XKR6: variants seen among roughly 807,000 people sequenced by gnomAD.
XKR6 encodes the protein XK-related protein 6.
XKR6 carries 22 observed loss-of-function variants against 56.7 expected under a neutral mutation model. That is an observed-to-expected ratio of 0.39 (90% CI 0.28 to 0.55). The LOEUF (loss-of-function observed/expected upper bound fraction) is 0.55. Ranked by LOEUF, XKR6 falls within the 20% of genes least tolerant of loss-of-function variation. The pLI, the probability that XKR6 is intolerant of heterozygous loss-of-function variation, is 0.66. For synonymous variants in XKR6, 524 were observed against 387.8 expected (o/e 1.35, Z -4.13); for missense variants, 852 against 889.0 (o/e 0.96, Z 0.53).
intron 1 of XKR6, among the ~76,000 whole-genome samples, chr8:11,049,338 G>A (rs965182915): frequency 1.3e-5 from 2 of 152,178 alleles, no homozygotes; most frequent in Non-Finnish European, 2.9e-5. Flanking sequence ...GACATGACCC[G>A]GCAGGAGGGT....
At chr8:11,103,379 C>G (rs183430430) in intron 1 of XKR6, among the ~76,000 whole-genome samples, 2 of 152,186 alleles carry the variant, frequency 1.3e-5, no homozygotes, top group African/African-American at 2.4e-5. Context: ...CAGAGACCAG[C>G]TGAATCAGGC....
chr8:11,131,380 G>C (rs1800095545), intron 1 of XKR6, among the ~76,000 whole-genome samples: 1 of 152,108 alleles, frequency 6.6e-6, no homozygotes, highest in Non-Finnish European at 1.5e-5. Context: ...ACAAGAAAGA[G>C]TAATTAACAT....
intron 1 of XKR6, among the ~76,000 whole-genome samples, chr8:11,159,473 G>T (rs1332502250): frequency 6.6e-6 from 1 of 152,200 alleles, no homozygotes; most frequent in Non-Finnish European, 1.5e-5. Context: ...CTCACTTTCT[G>T]CTAACAGACG....
At chr8:10,977,816 G>C (rs1802612128) in intron 1 of XKR6, among the ~76,000 whole-genome samples, 1 of 151,558 alleles carries the variant, frequency 6.6e-6, no homozygotes, top group Non-Finnish European at 1.5e-5. Context: ...TGTGTGGAAG[G>C]ATCCAGTGAG....
At chr8:10,925,284 C>G (rs1163893692) in intron 1 of XKR6, among the ~76,000 whole-genome samples, 2 of 152,194 alleles carry the variant, frequency 1.3e-5, no homozygotes, top group Non-Finnish European at 2.9e-5. Context: ...ATTTCTGAAG[C>G]TCCTACTACG....
intron 1 of XKR6, among the ~76,000 whole-genome samples, chr8:11,055,882 C>T (rs892265393): frequency 6.6e-6 from 1 of 152,156 alleles, no homozygotes; most frequent in Non-Finnish European, 1.5e-5. Context: ...ACAACCTCCT[C>T]GTAAAACCTG....
At chr8:11,115,847 T>A (rs146315861) in intron 1 of XKR6, among the ~76,000 whole-genome samples, 1 of 152,222 alleles carries the variant, frequency 6.6e-6, no homozygotes, top group Non-Finnish European at 1.5e-5. Flanking sequence ...AATAAATACA[T>A]TTCTGAGTTG....
intron 1 of XKR6, among the ~76,000 whole-genome samples, chr8:11,163,575 A>T (rs909110097): frequency 1.3e-5 from 2 of 152,248 alleles, no homozygotes; most frequent in African/African-American, 2.4e-5. Flanking sequence ...AAGGGCAAAC[A>T]TTTAGAAAAC....
At chr8:11,050,712 G>T (rs1799525371) in intron 1 of XKR6, among the ~76,000 whole-genome samples, 1 of 152,068 alleles carries the variant, frequency 6.6e-6, no homozygotes, top group Non-Finnish European at 1.5e-5. Context: ...GGTAGAGAAG[G>T]GCTTCCGTTT....
At chr8:11,195,137 G>GAGA in intron 1 of XKR6, 1 of 703,234 alleles carries the variant, frequency 1.4e-6, no homozygotes, top group South Asian at 1.5e-5. Flanking sequence ...TGGGAGGAGG[G>GAGA]AGAAGGGAAG....
At chr8:11,188,707 AC>A (rs1803399422) in intron 1 of XKR6, among the ~76,000 whole-genome samples, 1 of 152,128 alleles carries the variant, frequency 6.6e-6, no homozygotes, top group Admixed American at 6.5e-5. Flanking sequence ...TTATGACCAA[AC>A]AAAATGACAG....
intron 1 of XKR6, among the ~76,000 whole-genome samples, chr8:10,981,325 C>G (rs529860533): frequency 1.3e-5 from 2 of 152,246 alleles, no homozygotes; most frequent in African/African-American, 4.8e-5. Context: ...CATGTGTTTT[C>G]GGATGCACTG....
intron 1 of XKR6, among the ~76,000 whole-genome samples, chr8:11,011,374 C>T (rs548578624): frequency 5.3e-5 from 8 of 152,354 alleles, no homozygotes; most frequent in East Asian, 3.9e-4. Flanking sequence ...AGTGGATAGG[C>T]TGTCACCAGA....
At position 10,977,869 on chromosome 8, in the gene XKR6, A is replaced by G. The variant is rs114449726; in HGVS notation, c.765-53039T>C. On this transcript the variant is annotated intron_variant, in intron 1 of 2. Coordinates refer to ENST00000416569, the MANE Select transcript of XKR6 (RefSeq NM_173683.4). ...AACTTTTGAAAAGCTAATTTTTGAA[A>G]AAGTGTGGACCCTCAATAAATGGCA... Among the ~76,000 whole-genome samples, 429 of 152,118 alleles carry G rather than the reference A, an allele frequency of 2.8e-3. 1 individual carries two copies. The highest frequency in any genetic ancestry group is 9.9e-3 in the African/African-American group (412 of 41,508).
At chr8:11,049,336 C>T (rs965097551) in intron 1 of XKR6, among the ~76,000 whole-genome samples, 3 of 152,300 alleles carry the variant, frequency 2.0e-5, no homozygotes, top group Middle Eastern at 3.4e-3. Context: ...AGGACATGAC[C>T]CGGCAGGAGG....
intron 1 of XKR6, among the ~76,000 whole-genome samples, chr8:11,030,476 C>T (rs992852420): frequency 2.6e-5 from 4 of 152,190 alleles, no homozygotes; most frequent in African/African-American, 9.6e-5. Flanking sequence ...TACCCTTGAT[C>T]CTTGATCAAT....
At chr8:11,096,428 C>G (rs1798263954) in intron 1 of XKR6, among the ~76,000 whole-genome samples, 1 of 152,182 alleles carries the variant, frequency 6.6e-6, no homozygotes, top group Non-Finnish European at 1.5e-5. Context: ...AATAATTTTA[C>G]AGTTTCCTTT....
intron 1 of XKR6, among the ~76,000 whole-genome samples, chr8:11,046,915 G>T (rs990742708): frequency 2.0e-5 from 3 of 152,142 alleles, no homozygotes; most frequent in African/African-American, 7.2e-5. Flanking sequence ...AATACTACAT[G>T]ATCTCGCTTA....
At chr8:11,192,226 T>G (rs1803620840) in intron 1 of XKR6, among the ~76,000 whole-genome samples, 1 of 152,022 alleles carries the variant, frequency 6.6e-6, no homozygotes, top group Admixed American at 6.5e-5. Flanking sequence ...TGGCACGATC[T>G]GGGCTCACTG....
Sources: allele counts gnomAD v4.1 joint callset (sites outside exome capture counted in the v4.1 genomes callset), GRCh38; gene constraint gnomAD v4.1.1; transcripts MANE v1.5; gene names NCBI Gene and HGNC (gene_info 2026-07-23, HGNC 2026-07-21).